The following PRKCA variants were observed in gnomAD, a reference collection of about 807,000 sequenced individuals.
PRKCA encodes protein kinase C alpha.
In PRKCA, 27 loss-of-function variants were observed where a neutral mutation model predicts 87.0. The ratio of observed to expected loss-of-function variants is 0.31; its 90% CI spans 0.23 to 0.43. The LOEUF is 0.43. PRKCA is among the 20% of genes least tolerant of loss of function. The pLI is 1.00. For missense variants in PRKCA, 518 were observed against 852.3 expected (o/e 0.61, Z 4.88); for synonymous variants, 329 against 311.1 (o/e 1.06, Z -0.61).
chr17:66,365,148 A>G (rs771455382), intron 2 of PRKCA, among the ~76,000 whole-genome samples: 1 of 152,196 alleles, frequency 6.6e-6, no homozygotes, highest in Non-Finnish European at 1.5e-5. Flanking sequence ...TCTCGCCTTT[A>G]TAAGTGGAGT....
intron 5 of PRKCA, among the ~76,000 whole-genome samples, chr17:66,675,475 T>C (rs1216466195): frequency 6.6e-6 from 1 of 152,178 alleles, no homozygotes; most frequent in Non-Finnish European, 1.5e-5. Context: ...CTGCTGTCCC[T>C]TTGCACACAG....
intron 5 of PRKCA, among the ~76,000 whole-genome samples, chr17:66,673,373 C>T (rs555457729): frequency 2.0e-5 from 3 of 152,256 alleles, no homozygotes; most frequent in South Asian, 2.1e-4. Flanking sequence ...CCAGCCTCAC[C>T]AGCAAAATAG....
rs1974165322 is a variant in PRKCA, at chr17:66,741,848, C to T, written c.1385+127C>T. On this transcript the variant is annotated intron_variant, in intron 12 of 16. Transcript: ENST00000413366. ...ACTCCCCAGGAGGAACAGAGACCTG[C>T]TGGGACCCACCTTCCTCCTCACCCT... The T allele has an allele frequency of 1.8e-5, 16 of 876,080 alleles. No individual in the cohort carries two copies. The South Asian group carries it at 3.2e-4, about 18-fold the overall frequency. 54.3% of individuals were successfully genotyped at this position (876,080 alleles called of 1,614,324 possible).
chr17:66,388,543 C>T (rs770043409), intron 2 of PRKCA, among the ~76,000 whole-genome samples: 4 of 152,160 alleles, frequency 2.6e-5, no homozygotes, highest in Non-Finnish European at 4.4e-5. Context: ...ATCCACCCGC[C>T]TTAGCCTCCC....
chr17:66,506,875 C>T (rs1370092650), intron 3 of PRKCA, among the ~76,000 whole-genome samples: 1 of 152,122 alleles, frequency 6.6e-6, no homozygotes, highest in East Asian at 1.9e-4. Context: ...CTAGACATTT[C>T]GTGATGTACA....
intron 2 of PRKCA, among the ~76,000 whole-genome samples, chr17:66,322,639 GTT>G (rs71160559): frequency 2.3e-5 from 3 of 132,208 alleles, no homozygotes; most frequent in Admixed American, 1.5e-4. Context: ...ATTTTTAATT[GTT>G]TTTTTTTTTT....
At position 66,787,104 on chromosome 17, in the gene PRKCA, G is replaced by T. The variant is rs570305912; in HGVS notation, c.1713+130G>T. The T allele has an allele frequency of 5.2e-5, 43 of 829,070 alleles. No individual in the cohort carries two copies. In the East Asian group the frequency reaches 9.9e-4, roughly 19 times the overall value. 51.4% of individuals were successfully genotyped at this position (829,070 alleles called of 1,614,324 possible). On this transcript the variant is annotated intron_variant, in intron 15 of 16. Transcript: ENST00000413366. ...CACCACTGCATTTTGGCCATCGAGG[G>T]TTGGGGCTTGGTGTCATGCCCCAAG... is the stretch of plus-strand genomic sequence containing the variant.
At chr17:66,558,818 G>T (rs974629302) in intron 3 of PRKCA, among the ~76,000 whole-genome samples, 1 of 152,106 alleles carries the variant, frequency 6.6e-6, no homozygotes, top group Non-Finnish European at 1.5e-5. Context: ...AGCAGCCGAC[G>T]GTGAAGGTCT....
chr17:66,692,632 C>A (rs548768543), intron 8 of PRKCA, among the ~76,000 whole-genome samples: 1 of 152,208 alleles, frequency 6.6e-6, no homozygotes, highest in South Asian at 2.1e-4. Flanking sequence ...CCTCTTTGAG[C>A]CCCCACCCCG....
intron 3 of PRKCA, among the ~76,000 whole-genome samples, chr17:66,596,305 G>C (rs1012439861): frequency 2.0e-5 from 3 of 152,188 alleles, no homozygotes; most frequent in African/African-American, 4.8e-5. Flanking sequence ...AAGCAAGCAA[G>C]AACAGGGCAG....
chr17:66,356,816 G>GT (rs1014801666), intron 2 of PRKCA, among the ~76,000 whole-genome samples: 4 of 152,182 alleles, frequency 2.6e-5, no homozygotes, highest in Non-Finnish European at 5.9e-5. Context: ...CTGGAGTGGT[G>GT]TGATTTCAGC....
intron 3 of PRKCA, among the ~76,000 whole-genome samples, chr17:66,538,513 A>G (rs1967869321): frequency 6.6e-6 from 1 of 152,316 alleles, no homozygotes; most frequent in South Asian, 2.1e-4. Flanking sequence ...GCAAACTTCG[A>G]GAAGTGTCTG....
intron 5 of PRKCA, among the ~76,000 whole-genome samples, chr17:66,662,871 A>C (rs1242047150): frequency 6.6e-6 from 1 of 152,098 alleles, no homozygotes; most frequent in Non-Finnish European, 1.5e-5. Context: ...ACAGATACTG[A>C]TAGTCTCTTG....
At chr17:66,322,741 G>A (rs1249289063) in intron 2 of PRKCA, among the ~76,000 whole-genome samples, 1 of 151,764 alleles carries the variant, frequency 6.6e-6, no homozygotes, top group Non-Finnish European at 1.5e-5. Context: ...ACAGTAGTGG[G>A]ATTATAGGCA....
chr17:66,762,188 A>G (rs946966919), intron 13 of PRKCA, among the ~76,000 whole-genome samples: 1 of 152,220 alleles, frequency 6.6e-6, no homozygotes, highest in Admixed American at 6.5e-5. Context: ...AGTGTTTAAC[A>G]TATACCAAAA....
chr17:66,715,535 C>G (rs1973451690), intron 8 of PRKCA, among the ~76,000 whole-genome samples: 1 of 152,128 alleles, frequency 6.6e-6, no homozygotes, highest in Non-Finnish European at 1.5e-5. Flanking sequence ...TGCACCCAGT[C>G]AAGGGTTTGG....
intron 2 of PRKCA, among the ~76,000 whole-genome samples, chr17:66,447,345 G>C (rs1221222689): frequency 1.3e-5 from 2 of 152,088 alleles, no homozygotes; most frequent in Non-Finnish European, 2.9e-5. Context: ...TGGCTGGTCG[G>C]GGATGCCAGG....
intron 3 of PRKCA, among the ~76,000 whole-genome samples, chr17:66,621,503 T>A (rs1970679903): frequency 6.6e-6 from 1 of 152,210 alleles, no homozygotes; most frequent in Non-Finnish European, 1.5e-5. Context: ...GACCACTTAG[T>A]GTTCAGAGGA....
chr17:66,384,029 C>T (rs1909914745), intron 2 of PRKCA, among the ~76,000 whole-genome samples: 2 of 152,090 alleles, frequency 1.3e-5, no homozygotes, highest in African/African-American at 4.8e-5. Flanking sequence ...CTCCATTGCA[C>T]TTTCCTATTT....
Sources: allele counts gnomAD v4.1 joint callset (sites outside exome capture counted in the v4.1 genomes callset), GRCh38; gene constraint gnomAD v4.1.1; transcripts MANE v1.5; gene names NCBI Gene and HGNC (gene_info 2026-07-23, HGNC 2026-07-21).